ALPL: variants seen among roughly 807,000 people sequenced by gnomAD.
ALPL encodes the protein alkaline phosphatase, biomineralization associated.
In ALPL, 42 loss-of-function variants were observed where a neutral mutation model predicts 51.3. The observed-to-expected ratio is 0.82, with a 90% CI of 0.64 to 1.06. ALPL has a LOEUF of 1.06. Ranked by LOEUF, ALPL falls within the 50% of genes least tolerant of loss-of-function variation. The pLI is 0.00. For missense variants in ALPL, 589 were observed against 709.4 expected, an observed-to-expected ratio of 0.83 and a Z score of 1.93; for synonymous variants, 279 against 296.4, an observed-to-expected ratio of 0.94 and a Z score of 0.60.
Position 21,573,780 on chromosome 1 carries a change from C to T in ALPL, c.978C>T (p.Gly326=). ...AIQILRKNPK[G]FFLLVEGGRI... ...AGATCCTGCGGAAGAACCCCAAAGG[C>T]TTCTTCTTGCTGGTGGAAGGTAGGG... Residue 326 remains glycine (G), a synonymous_variant, in exon 9 of 12, where the codon GGC becomes GGT. Coordinates refer to ENST00000374840, the MANE Select transcript of ALPL (RefSeq NM_000478.6). 1 of 1,614,096 alleles carries T rather than the reference C, an allele frequency of 6.2e-7. No individual in the cohort carries two copies. Among genetic ancestry groups the T allele is most frequent in the Non-Finnish European group, 8.5e-7 (1 of 1,179,960 alleles).
Position 21,575,788 on chromosome 1 carries a change from G to C in ALPL, c.1053G>C (p.Glu351Asp). 6.2e-7 allele frequency: 1 copy of C among 1,614,252 alleles called. No individual in the cohort carries two copies. The highest frequency in any genetic ancestry group is 8.5e-7 in the Non-Finnish European group (1 of 1,180,052). Residue 351 changes from glutamate (E) to aspartate (D), a missense_variant, in exon 10 of 12, where the codon GAG (glutamate) becomes GAC (aspartate). Glu to Asp is a conservative substitution (Grantham distance 45, BLOSUM62 2). Transcript: ENST00000374840. ...GAAAAGCCAAGCAGGCCCTGCATGA[G>C]GCGGTGGAGATGGACCGGGCCATCG... is the stretch of plus-strand genomic sequence containing the variant. ...HEGKAKQALHEAVEMDRAIGQ... is the reference protein window; with the variant it reads ...HEGKAKQALHDAVEMDRAIGQ...
chr1:21,541,063 G>C (rs929688520), intron 1 of ALPL, among the ~76,000 whole-genome samples: 2 of 152,230 alleles, frequency 1.3e-5, no homozygotes, highest in African/African-American at 4.8e-5. Flanking sequence ...TGGAAGGACT[G>C]TCTGCAGCCA....
intron 1 of ALPL, among the ~76,000 whole-genome samples, chr1:21,519,691 G>C (rs1296082607): frequency 1.3e-5 from 2 of 152,228 alleles, no homozygotes; most frequent in African/African-American, 2.4e-5. Context: ...CAGCTATGTG[G>C]GAGGCTGAGG....
At chr1:21,555,366 T>C (rs958328110) in intron 2 of ALPL, among the ~76,000 whole-genome samples, 1 of 152,232 alleles carries the variant, frequency 6.6e-6, no homozygotes, top group South Asian at 2.1e-4. Context: ...TGGATGTATA[T>C]GTGCAGGTCA....
intron 1 of ALPL, among the ~76,000 whole-genome samples, chr1:21,542,837 C>T (rs1337391891): frequency 6.6e-6 from 1 of 152,036 alleles, no homozygotes; most frequent in African/African-American, 2.4e-5. Flanking sequence ...GACTCCATCC[C>T]CCCAATCCCC....
chr1:21,559,288 T>C (rs994074412), intron 2 of ALPL, among the ~76,000 whole-genome samples: 3 of 152,152 alleles, frequency 2.0e-5, no homozygotes, highest in African/African-American at 7.2e-5. Flanking sequence ...CCGCAGACTC[T>C]GGGAGGGACT....
intron 9 of ALPL, 137 bp from the exon 10 acceptor site, chr1:21,575,596 A>G (rs1163819449): frequency 2.9e-6 from 3 of 1,020,408 alleles, no homozygotes; most frequent in Non-Finnish European, 4.5e-6. Context: ...CTGTGGTGCT[A>G]GCTCAGAGTG....
At chr1:21,513,153 G>T (rs1643724948) in intron 1 of ALPL, among the ~76,000 whole-genome samples, 2 of 152,118 alleles carry the variant, frequency 1.3e-5, no homozygotes, top group African/African-American at 2.4e-5. Flanking sequence ...CAGAATTTCA[G>T]TTGGAAGGCC....
At chr1:21,519,078 G>T (rs1253653773) in intron 1 of ALPL, among the ~76,000 whole-genome samples, 2 of 152,218 alleles carry the variant, frequency 1.3e-5, no homozygotes, top group African/African-American at 4.8e-5. Flanking sequence ...CAGGGAAAGG[G>T]GCTGTAGTGT....
intron 4 of ALPL, among the ~76,000 whole-genome samples, chr1:21,562,326 T>A (rs1256463631): frequency 1.3e-5 from 2 of 152,220 alleles, no homozygotes; most frequent in African/African-American, 4.8e-5. Flanking sequence ...GATCTTCAAT[T>A]TGTAACAAAC....
At chr1:21,517,037 G>A (rs1158280385) in intron 1 of ALPL, among the ~76,000 whole-genome samples, 1 of 152,208 alleles carries the variant, frequency 6.6e-6, no homozygotes, top group Non-Finnish European at 1.5e-5. Flanking sequence ...CATCTAACAC[G>A]AGGCCTATTT....
intron 1 of ALPL, among the ~76,000 whole-genome samples, chr1:21,525,709 T>A (rs1643932160): frequency 6.6e-6 from 1 of 152,124 alleles, no homozygotes; most frequent in Non-Finnish European, 1.5e-5. Flanking sequence ...GTGTGTAGGC[T>A]GGGCTCCGCG....
chr1:21,573,532 C>T, intron 8 of ALPL, 133 bp from the exon 9 acceptor site: 1 of 1,114,618 alleles, frequency 9.0e-7, no homozygotes, highest in African/African-American at 1.6e-5. Context: ...GATAAGGATC[C>T]TCCCAGCCAC....
chr1:21,565,647 C>T (rs1644553170), intron 6 of ALPL, among the ~76,000 whole-genome samples: 1 of 151,966 alleles, frequency 6.6e-6, no homozygotes, highest in African/African-American at 2.4e-5. Context: ...CGTCAAGGGG[C>T]ACAAGCCAGG....
In ALPL at chr1:21,509,655, A is replaced by T. The variant is rs1409889980; in HGVS notation, c.-105+138A>T. On this transcript the variant is annotated intron_variant, in intron 1 of 11. Coordinates refer to ENST00000374840, the MANE Select transcript of ALPL (RefSeq NM_000478.6). The surrounding 1 kb of genome is among the most constrained non-coding windows in gnomAD (Gnocchi z 6.0). ...GGGTCTCCAGCGCCACGCCGCCCAC[A>T]GCAGCCCATTCGGGACGCCCTGCAA... 6.5e-6 allele frequency: 1 copy of T among 152,894 alleles called. No homozygotes were observed. The highest frequency in any genetic ancestry group is 1.5e-5 in the Non-Finnish European group (1 of 68,680). The allele number at this position is 152,894 out of a possible 1,614,324, so 9.5% of individuals were successfully genotyped here. A position where few individuals can be genotyped will look rare whatever the true frequency, so the allele number is the denominator to read the frequency against.
intron 1 of ALPL, among the ~76,000 whole-genome samples, chr1:21,524,502 TA>T (rs1558528886): frequency 1.3e-5 from 2 of 150,268 alleles, no homozygotes; most frequent in African/African-American, 4.9e-5. Flanking sequence ...TCTCTAAAAA[TA>T]AAAAATATAA....
intron 1 of ALPL, among the ~76,000 whole-genome samples, chr1:21,519,171 C>G (rs1643855233): frequency 6.6e-6 from 1 of 152,222 alleles, no homozygotes; most frequent in Non-Finnish European, 1.5e-5. Flanking sequence ...TCTCGTCACT[C>G]TTACTTTAAG....
intron 1 of ALPL, among the ~76,000 whole-genome samples, chr1:21,520,653 G>C (rs939071403): frequency 2.6e-5 from 4 of 151,846 alleles, no homozygotes; most frequent in Non-Finnish European, 5.9e-5. Flanking sequence ...AGTAGACACG[G>C]GGTTTCACCG....
chr1:21,544,151 C>T (rs1302067525), intron 1 of ALPL, among the ~76,000 whole-genome samples: 2 of 152,264 alleles, frequency 1.3e-5, no homozygotes, highest in Non-Finnish European at 2.9e-5. Context: ...AATGAGGACA[C>T]AGCAGGTCAG....
Sources: gnomAD v4.1 joint callset for allele counts (sites outside exome capture counted in the v4.1 genomes callset) on GRCh38, gnomAD v4.1.1 for gene constraint, Gnocchi (gnomAD v3.1) non-coding constraint, MANE v1.5 for transcripts, NCBI Gene and HGNC (gene_info 2026-07-23, HGNC 2026-07-21) for gene names.